The following KCNIP4 variants were observed in gnomAD, a reference collection of about 807,000 sequenced individuals.
The protein encoded by KCNIP4 is potassium voltage-gated channel interacting protein 4.
In KCNIP4, 12 loss-of-function variants were observed where a neutral mutation model predicts 34.0. The ratio of observed to expected loss-of-function variants is 0.35; its 90% CI spans 0.23 to 0.57. KCNIP4 has a LOEUF of 0.57. Ranked by LOEUF, KCNIP4 falls within the 20% of genes least tolerant of loss-of-function variation. KCNIP4 has a pLI of 0.83. For synonymous variants in KCNIP4, 124 were observed against 102.2 expected, an observed-to-expected ratio of 1.21 and a Z score of -1.29; for missense variants, 238 against 311.7, an observed-to-expected ratio of 0.76 and a Z score of 1.78.
chr4:20,748,667 G>A (rs1447790586), intron 5 of KCNIP4, among the ~76,000 whole-genome samples: 2 of 143,126 alleles, frequency 1.4e-5, no homozygotes, highest in African/African-American at 2.6e-5. Flanking sequence ...AGCAAAATAT[G>A]TATAATGCTA....
intron 2 of KCNIP4, among the ~76,000 whole-genome samples, chr4:20,877,943 G>A (rs17557272): frequency 0.18 from 26,512 of 151,258 alleles, 2,488 homozygotes; most frequent in Middle Eastern, 0.2. Context: ...TGCAGGCAAA[G>A]GGCCAGAGCT....
At chr4:21,731,865 T>C (rs943739170) in intron 1 of KCNIP4, among the ~76,000 whole-genome samples, 1 of 152,100 alleles carries the variant, frequency 6.6e-6, no homozygotes, top group Non-Finnish European at 1.5e-5. Flanking sequence ...TAAATACATA[T>C]GGACCTCCAC....
At chr4:21,184,383 T>C (rs935271772) in intron 1 of KCNIP4, among the ~76,000 whole-genome samples, 1 of 152,160 alleles carries the variant, frequency 6.6e-6, no homozygotes, top group Admixed American at 6.6e-5. Context: ...TAGCATAGTG[T>C]TTTGCAATAG....
chr4:21,153,435 TTCTC>T (rs1347445884), intron 1 of KCNIP4, among the ~76,000 whole-genome samples: 1 of 150,452 alleles, frequency 6.6e-6, no homozygotes, highest in Non-Finnish European at 1.5e-5. Flanking sequence ...TCTTTGTTAA[TTCTC>T]TCTCTGTCCC....
intron 1 of KCNIP4, among the ~76,000 whole-genome samples, chr4:21,518,796 T>G (rs1734996562): frequency 6.6e-6 from 1 of 152,050 alleles, no homozygotes. Flanking sequence ...CAGGATATTT[T>G]CGGGGACACT....
intron 3 of KCNIP4, among the ~76,000 whole-genome samples, chr4:20,813,221 A>G (rs2149435725): frequency 6.6e-6 from 1 of 152,270 alleles, no homozygotes; most frequent in Middle Eastern, 3.4e-3. Context: ...GGCAGCATAA[A>G]CAGACCTCAA....
rs73240301 is a variant in KCNIP4 at position 20,763,478 on chromosome 4, A to G, written c.289-4588T>C. On this transcript the variant is annotated intron_variant, in intron 3 of 8. Transcript: ENST00000382152. ...GGAGGAAAAGAACGCTGAAAAGAGTACATGGAAACTTTTTATGGGCCAGGT... is the reference window on the plus strand; with the variant it reads ...GGAGGAAAAGAACGCTGAAAAGAGTGCATGGAAACTTTTTATGGGCCAGGT... 5.7e-3 allele frequency among the ~76,000 whole-genome samples: 871 copies of G among 152,304 alleles called. 3 individuals are homozygous for G. Among genetic ancestry groups the G allele is most frequent in the Non-Finnish European group, 0.01 (686 of 68,026 alleles).
chr4:21,124,275 A>C (rs954695906), intron 1 of KCNIP4, among the ~76,000 whole-genome samples: 29 of 152,300 alleles, frequency 1.9e-4, no homozygotes, highest in African/African-American at 5.3e-4. Flanking sequence ...TATTAATATT[A>C]TTATGAAAAT....
chr4:21,596,612 G>A (rs1168549949), intron 1 of KCNIP4, among the ~76,000 whole-genome samples: 1 of 152,082 alleles, frequency 6.6e-6, no homozygotes, highest in Non-Finnish European at 1.5e-5. Flanking sequence ...CAAAAACAAA[G>A]CTTGCCTCCA....
chr4:20,864,286 A>G (rs561397486), intron 2 of KCNIP4, among the ~76,000 whole-genome samples: 3 of 151,628 alleles, frequency 2.0e-5, no homozygotes, highest in African/African-American at 4.8e-5. Context: ...ATGTATGCAT[A>G]TATGTACACA....
chr4:21,214,205 T>C (rs1757410986), intron 1 of KCNIP4, among the ~76,000 whole-genome samples: 1 of 152,194 alleles, frequency 6.6e-6, no homozygotes, highest in South Asian at 2.1e-4. Flanking sequence ...ATTCTCTTCT[T>C]AGATCTGAAA....
At chr4:21,680,731 A>T (rs1750281260) in intron 1 of KCNIP4, among the ~76,000 whole-genome samples, 1 of 152,232 alleles carries the variant, frequency 6.6e-6, no homozygotes, top group African/African-American at 2.4e-5. Flanking sequence ...GACTAGGCGC[A>T]TTGTCAATGA....
At chr4:21,925,146 C>T in intron 1 of KCNIP4, among the ~76,000 whole-genome samples, 1 of 152,004 alleles carries the variant, frequency 6.6e-6, no homozygotes. Context: ...AGGTTTGTTA[C>T]ATACGTATAC....
rs76524341 is a variant in KCNIP4 at position 20,763,611 on chromosome 4, C to A, written c.289-4721G>T. Among the ~76,000 whole-genome samples the A allele has an allele frequency of 5.2e-3, 786 of 152,230 alleles. 6 individuals are homozygous for A. Among genetic ancestry groups the A allele is most frequent in the African/African-American group, 0.018 (736 of 41,512 alleles). On this transcript the variant is annotated intron_variant, in intron 3 of 8. Transcript: ENST00000382152. ...AAGTCTGGTATGGCCAGAAAGAAGA[C>A]AAGAATGCAGATTTGTAAAGAGTTT...
At chr4:20,828,830 GA>G (rs775029121) in intron 3 of KCNIP4, among the ~76,000 whole-genome samples, 59 of 152,176 alleles carry the variant, frequency 3.9e-4, no homozygotes, top group Non-Finnish European at 6.2e-4. Context: ...TGGATGCAAG[GA>G]CTAAAGAATC....
At chr4:21,810,878 C>T (rs1203935187) in intron 1 of KCNIP4, among the ~76,000 whole-genome samples, 2 of 152,130 alleles carry the variant, frequency 1.3e-5, no homozygotes, top group African/African-American at 4.8e-5. Flanking sequence ...GAGTAACAGT[C>T]TGAATGAGGT....
At chr4:21,125,208 T>TTTATTTTATTTTATTTTATTTTATA (rs1750518290) in intron 1 of KCNIP4, among the ~76,000 whole-genome samples, 1 of 146,332 alleles carries the variant, frequency 6.8e-6, no homozygotes, top group Non-Finnish European at 1.5e-5. Context: ...TTTATTTTAT[T>TTTATTTTATTTTATTTTATTTTATA]TTATTTTATT....
chr4:21,908,243 A>G (rs1054257525), intron 1 of KCNIP4, among the ~76,000 whole-genome samples: 1 of 152,080 alleles, frequency 6.6e-6, no homozygotes, highest in African/African-American at 2.4e-5. Context: ...ACTATTCCAC[A>G]CTTCCCCTCA....
chr4:20,950,481 T>TA (rs1732667649), intron 1 of KCNIP4, among the ~76,000 whole-genome samples: 1 of 152,082 alleles, frequency 6.6e-6, no homozygotes, highest in South Asian at 2.1e-4. Flanking sequence ...TGTTCTTTGA[T>TA]ATTGAAAAAC....
Sources: gnomAD v4.1 joint callset for allele counts (sites outside exome capture counted in the v4.1 genomes callset) on GRCh38, gnomAD v4.1.1 for gene constraint, MANE v1.5 for transcripts, NCBI Gene and HGNC (gene_info 2026-07-23, HGNC 2026-07-21) for gene names.